Variants in DACH1 observed in about 807,000 individuals in gnomAD.
DACH1 encodes dachshund homolog 1.
In DACH1, 12 loss-of-function variants were observed where a neutral mutation model predicts 54.2. The observed-to-expected ratio is 0.22, with a 90% CI of 0.14 to 0.36. The LOEUF (loss-of-function observed/expected upper bound fraction) is 0.36, where lower values mean the gene tolerates loss of function less well. DACH1 is among the 10% of genes least tolerant of loss of function. The probability of loss-of-function intolerance (pLI) is 1.00; values close to 1 mark genes in which losing one functional copy is unlikely to be tolerated. For missense variants in DACH1, 805 were observed against 929.8 expected (o/e 0.87, Z 1.75); for synonymous variants, 386 against 366.2 (o/e 1.05, Z -0.62).
intron 2 of DACH1, 37 bp downstream of exon 2, chr13:71,681,758 T>G (rs780270036): frequency 3.3e-6 from 5 of 1,493,740 alleles, no homozygotes; most frequent in Non-Finnish European, 4.7e-6. Flanking sequence ...TTGGCTGATT[T>G]TTAATATTTT....
chr13:71,460,117 G>C (rs1308949275), intron 10 of DACH1, among the ~76,000 whole-genome samples: 2 of 151,996 alleles, frequency 1.3e-5, no homozygotes, highest in Non-Finnish European at 2.9e-5. Flanking sequence ...ACCAAGAACT[G>C]CATTTGAGAT....
chr13:71,581,768 G>C (rs1359727749), intron 3 of DACH1, among the ~76,000 whole-genome samples: 1 of 152,092 alleles, frequency 6.6e-6, no homozygotes, highest in Non-Finnish European at 1.5e-5. Flanking sequence ...ATAGCATCTA[G>C]TATATATCAT....
At chr13:71,838,772 C>T (rs1888901026) in intron 1 of DACH1, among the ~76,000 whole-genome samples, 1 of 152,178 alleles carries the variant, frequency 6.6e-6, no homozygotes, top group African/African-American at 2.4e-5. Flanking sequence ...ATCCTTTGCA[C>T]TTGTCCTCCC....
At chr13:71,819,465 CT>C (rs993871056) in intron 1 of DACH1, among the ~76,000 whole-genome samples, 118 of 152,270 alleles carry the variant, frequency 7.7e-4, no homozygotes, top group African/African-American at 2.8e-3. Context: ...AGCCTCTCTC[CT>C]TTCATTTTAT....
At chr13:71,590,593 G>A (rs1873627318) in intron 3 of DACH1, among the ~76,000 whole-genome samples, 2 of 150,550 alleles carry the variant, frequency 1.3e-5, no homozygotes, top group Non-Finnish European at 2.9e-5. Context: ...AGACTAGAAA[G>A]CCTTACACAG....
chr13:71,584,032 A>G (rs1873051408), intron 3 of DACH1, among the ~76,000 whole-genome samples: 1 of 152,144 alleles, frequency 6.6e-6, no homozygotes. Context: ...TGCCTGTTCT[A>G]CCACACACAT....
At chr13:71,856,456 A>C (rs555933006) in intron 1 of DACH1, among the ~76,000 whole-genome samples, 1 of 152,154 alleles carries the variant, frequency 6.6e-6, no homozygotes, top group African/African-American at 2.4e-5. Flanking sequence ...TAAAGGTGTC[A>C]GAGATGACAA....
intron 7 of DACH1, among the ~76,000 whole-genome samples, chr13:71,486,827 T>C (rs1432342056): frequency 5.4e-5 from 7 of 128,742 alleles, no homozygotes; most frequent in South Asian, 5.3e-4. Context: ...TATCTATCTA[T>C]CTATCTATCT....
At chr13:71,745,703 AGTG>A (rs1220017274) in intron 1 of DACH1, among the ~76,000 whole-genome samples, 3 of 152,322 alleles carry the variant, frequency 2.0e-5, no homozygotes, top group Non-Finnish European at 4.4e-5. Flanking sequence ...TTACAAAGTG[AGTG>A]GTGCTTTACA....
At chr13:71,555,830 CTAATA>C (rs1223712502) in intron 6 of DACH1, among the ~76,000 whole-genome samples, 5 of 151,832 alleles carry the variant, frequency 3.3e-5, no homozygotes, top group African/African-American at 1.2e-4. Flanking sequence ...ATTCGAATGC[CTAATA>C]TAAATAGCAC....
At chr13:71,560,178 T>G (rs557692036) in intron 4 of DACH1, among the ~76,000 whole-genome samples, 1 of 152,218 alleles carries the variant, frequency 6.6e-6, no homozygotes, top group East Asian at 1.9e-4. Context: ...TAAGCGTGAC[T>G]GCAGTAATGG....
chr13:71,803,150 T>C (rs1393212812), intron 1 of DACH1, among the ~76,000 whole-genome samples: 1 of 152,160 alleles, frequency 6.6e-6, no homozygotes, highest in Non-Finnish European at 1.5e-5. Context: ...GGGAACAAGA[T>C]ACCAATTTAA....
chr13:71,706,002 A>T (rs1439875701), intron 1 of DACH1, among the ~76,000 whole-genome samples: 1 of 151,888 alleles, frequency 6.6e-6, no homozygotes, highest in Non-Finnish European at 1.5e-5. Flanking sequence ...AAACTATCAG[A>T]TATTTTTTCT....
intron 10 of DACH1, among the ~76,000 whole-genome samples, chr13:71,441,662 T>C (rs1347662758): frequency 2.6e-5 from 4 of 151,980 alleles, no homozygotes; most frequent in Non-Finnish European, 4.4e-5. Flanking sequence ...TAAGAAAACA[T>C]AAATGACCTA....
At chr13:71,740,314 A>G (rs1264753278) in intron 1 of DACH1, among the ~76,000 whole-genome samples, 1 of 150,484 alleles carries the variant, frequency 6.6e-6, no homozygotes, top group Non-Finnish European at 1.5e-5. Flanking sequence ...ACTCTAAAAC[A>G]AAACAAAAAA....
At chr13:71,723,746 A>G (rs1566459065) in intron 1 of DACH1, among the ~76,000 whole-genome samples, 1 of 152,236 alleles carries the variant, frequency 6.6e-6, no homozygotes, top group South Asian at 2.1e-4. Flanking sequence ...TCTGAAGTGC[A>G]GTGGTGCTGT....
At chr13:71,861,848 G>C (rs566885600) in intron 1 of DACH1, among the ~76,000 whole-genome samples, 12 of 146,734 alleles carry the variant, frequency 8.2e-5, no homozygotes, top group African/African-American at 3.0e-4. Context: ...CAGGCAACAG[G>C]GCAAATGTTA....
intron 1 of DACH1, among the ~76,000 whole-genome samples, chr13:71,818,458 C>T (rs977264216): frequency 6.6e-6 from 1 of 152,262 alleles, no homozygotes; most frequent in South Asian, 2.1e-4. Context: ...AAAGGACAGG[C>T]CATGCAAGCC....
intron 1 of DACH1, among the ~76,000 whole-genome samples, chr13:71,798,012 C>G (rs1469090611): frequency 6.6e-6 from 1 of 151,978 alleles, no homozygotes; most frequent in Non-Finnish European, 1.5e-5. Flanking sequence ...TTAAACTCCA[C>G]TTTAAGTCCC....
Sources: gnomAD v4.1 joint callset for allele counts (sites outside exome capture counted in the v4.1 genomes callset) on GRCh38, gnomAD v4.1.1 for gene constraint, MANE v1.5 for transcripts, NCBI Gene and HGNC (gene_info 2026-07-23, HGNC 2026-07-21) for gene names.